BAZ2B: variants seen among roughly 807,000 people sequenced by gnomAD.
BAZ2B encodes the protein bromodomain adjacent to zinc finger domain 2B.
In BAZ2B, 91 loss-of-function variants were observed where a neutral mutation model predicts 246.0. The ratio of observed to expected loss-of-function variants is 0.37; its 90% CI spans 0.31 to 0.44. BAZ2B has a LOEUF of 0.44. Among genes scored for constraint, BAZ2B ranks in the 20% least tolerant of loss-of-function variants. The pLI, the probability that BAZ2B is intolerant of heterozygous loss-of-function variation, is 1.00. For synonymous variants in BAZ2B, 855 were observed against 860.0 expected (o/e 0.99, Z 0.10); for missense variants, 2,332 against 2,533.7 (o/e 0.92, Z 1.71).
At chr2:159,328,804 T>C (rs954161819) in intron 34 of BAZ2B, among the ~76,000 whole-genome samples, 1 of 152,130 alleles carries the variant, frequency 6.6e-6, no homozygotes, top group African/African-American at 2.4e-5. Context: ...AGGTTCTACA[T>C]CTGTGGATTC....
At chr2:159,653,896 C>T in the BAZ2B span, among the ~76,000 whole-genome samples, 1 of 152,224 alleles carries the variant, frequency 6.6e-6, no homozygotes, top group East Asian at 1.9e-4. Flanking sequence ...TGTACCATAT[C>T]TTCATCAAAT....
chr2:159,353,141 T>C (rs191238772), intron 27 of BAZ2B, among the ~76,000 whole-genome samples: 33 of 152,310 alleles, frequency 2.2e-4, no homozygotes, highest in Admixed American at 1.6e-3. Flanking sequence ...GTTATATAGG[T>C]ATATCATAAT....
chr2:159,652,758 C>T, the BAZ2B span, among the ~76,000 whole-genome samples: 3 of 151,776 alleles, frequency 2.0e-5, no homozygotes, highest in Non-Finnish European at 2.9e-5. Context: ...GTTGGAACTA[C>T]AGGTGTGTGG....
chr2:159,497,253 C>T (rs1378242922), intron 2 of BAZ2B, among the ~76,000 whole-genome samples: 1 of 152,140 alleles, frequency 6.6e-6, no homozygotes, highest in Non-Finnish European at 1.5e-5. Context: ...CACTCATGAA[C>T]TACCAGGAAG....
chr2:159,479,807 T>C (rs1330991663), intron 2 of BAZ2B, among the ~76,000 whole-genome samples: 4 of 152,172 alleles, frequency 2.6e-5, no homozygotes, highest in Non-Finnish European at 5.9e-5. Flanking sequence ...TAAATTGACA[T>C]GCAACATCAT....
intron 2 of BAZ2B, among the ~76,000 whole-genome samples, chr2:159,523,819 T>C (rs2084415485): frequency 6.6e-6 from 1 of 152,054 alleles, no homozygotes; most frequent in African/African-American, 2.4e-5. Context: ...ATACACCAAT[T>C]TCAATAATTT....
chr2:159,710,425 G>A, the BAZ2B span, among the ~76,000 whole-genome samples: 1 of 152,032 alleles, frequency 6.6e-6, no homozygotes, highest in Non-Finnish European at 1.5e-5. Flanking sequence ...AGCCAGGATG[G>A]TCTCGATCTC....
the BAZ2B span, among the ~76,000 whole-genome samples, chr2:159,701,954 C>T: frequency 6.6e-6 from 1 of 152,108 alleles, no homozygotes; most frequent in African/African-American, 2.4e-5. Flanking sequence ...GTCTCGAACT[C>T]CTGACCTCAG....
chr2:159,402,196 C>T (rs186465244), intron 16 of BAZ2B, among the ~76,000 whole-genome samples: 2 of 152,124 alleles, frequency 1.3e-5, no homozygotes, highest in Admixed American at 1.3e-4. Flanking sequence ...ACCTGTAATC[C>T]TAGCACTCTG....
chr2:159,371,158 T>C (rs571277163), intron 27 of BAZ2B, among the ~76,000 whole-genome samples: 11 of 151,956 alleles, frequency 7.2e-5, no homozygotes, highest in Non-Finnish European at 1.0e-4. Flanking sequence ...ATTTATTTAT[T>C]TTTGAGACAG....
intron 1 of BAZ2B, among the ~76,000 whole-genome samples, chr2:159,595,501 A>G (rs1690476754): frequency 6.6e-6 from 1 of 152,210 alleles, no homozygotes; most frequent in Admixed American, 6.5e-5. Context: ...CGTGCTGTAA[A>G]AAGTGGTGTT....
chr2:159,694,638 T>C, the BAZ2B span: 1 of 152,224 alleles, frequency 6.6e-6, no homozygotes, highest in East Asian at 1.9e-4. Context: ...TCAAGGTTCA[T>C]CCATGTTGCA....
chr2:159,428,240 T>C, intron 12 of BAZ2B, 71 bp downstream of exon 12: 1 of 1,336,810 alleles, frequency 7.5e-7, no homozygotes, highest in Non-Finnish European at 1.1e-6. Flanking sequence ...GAGAAAGGAG[T>C]ACACTTTTTT....
At chr2:159,373,220 T>G in intron 26 of BAZ2B, 31 bp from the exon 27 acceptor site, 3 of 1,582,438 alleles carry the variant, frequency 1.9e-6, no homozygotes, top group Non-Finnish European at 2.6e-6. Context: ...ATAATTAGGT[T>G]TGGGATGTTA....
chr2:159,510,745 A>G (rs1332803507), intron 2 of BAZ2B, among the ~76,000 whole-genome samples: 2 of 152,226 alleles, frequency 1.3e-5, no homozygotes, highest in Non-Finnish European at 1.5e-5. Context: ...GTAAAAATTA[A>G]TGTTTGAAGT....
chr2:159,376,680 T>G (rs542627785), intron 25 of BAZ2B, among the ~76,000 whole-genome samples: 99 of 152,268 alleles, frequency 6.5e-4, no homozygotes, highest in Middle Eastern at 3.4e-3. Context: ...AAAAATACAG[T>G]TCAATCAATA....
At chr2:159,333,384 AGTT>A (rs1291720522) in intron 33 of BAZ2B, among the ~76,000 whole-genome samples, 5 of 152,254 alleles carry the variant, frequency 3.3e-5, no homozygotes, top group South Asian at 2.1e-4. Flanking sequence ...AAATAAAACT[AGTT>A]GTTTTCTACT....
intron 27 of BAZ2B, among the ~76,000 whole-genome samples, chr2:159,351,580 A>T (rs2058569656): frequency 6.6e-6 from 1 of 152,200 alleles, no homozygotes; most frequent in Non-Finnish European, 1.5e-5. Flanking sequence ...ATATTAAAGT[A>T]ACTGAGAGCA....
At chr2:159,397,238 T>C (rs2064161840) in intron 19 of BAZ2B, 107 bp downstream of exon 19, 2 of 1,238,726 alleles carry the variant, frequency 1.6e-6, no homozygotes, top group Non-Finnish European at 2.2e-6. Context: ...AAGCAGAAAT[T>C]ATATCAGAAA....
Sources: gnomAD v4.1 joint callset for allele counts (sites outside exome capture counted in the v4.1 genomes callset) on GRCh38, gnomAD v4.1.1 for gene constraint, MANE v1.5 for transcripts, NCBI Gene and HGNC (gene_info 2026-07-23, HGNC 2026-07-21) for gene names.